ANKDD1A: variants seen among roughly 807,000 people sequenced by gnomAD.
ANKDD1A encodes the protein ankyrin repeat and death domain containing 1A, also known as ankyrin repeat and death domain-containing protein 1A.
ANKDD1A carries 59 observed loss-of-function variants against 63.5 expected under a neutral mutation model. The observed-to-expected ratio is 0.93, with a 90% CI of 0.75 to 1.15. ANKDD1A has a LOEUF of 1.15. Ranked by LOEUF, ANKDD1A falls within the 50% of genes most tolerant of loss-of-function variation. The pLI is 0.00. For missense variants in ANKDD1A, 632 were observed against 656.4 expected (o/e 0.96, Z 0.41); for synonymous variants, 266 against 263.9 (o/e 1.01, Z -0.08).
At chr15:64,940,760 A>G (rs1256240478) in intron 9 of ANKDD1A, among the ~76,000 whole-genome samples, 1 of 151,176 alleles carries the variant, frequency 6.6e-6, no homozygotes, top group Admixed American at 6.6e-5. Context: ...TTTTTTAGAG[A>G]CAAGGTCTCA....
intron 1 of ANKDD1A, among the ~76,000 whole-genome samples, chr15:64,913,729 C>T (rs1056459563): frequency 6.6e-6 from 1 of 152,186 alleles, no homozygotes; most frequent in African/African-American, 2.4e-5. Flanking sequence ...AGGCCTGTCT[C>T]TCACCTCAGT....
chr15:64,932,425 T>G (rs944623997), intron 8 of ANKDD1A: 1 of 152,182 alleles, frequency 6.6e-6, no homozygotes, highest in Admixed American at 6.6e-5. Flanking sequence ...GAGCTGGGGC[T>G]TGAGGTGTGA....
chr15:64,934,666 A>AT lies in ANKDD1A; in HGVS notation c.867+450dup, dbSNP rs557531003. Among the ~76,000 whole-genome samples the AT allele has an allele frequency of 7.6e-3, 910 of 119,870 alleles. 26 individuals carry two copies. Among genetic ancestry groups the AT allele is most frequent in the East Asian group, 0.072 (298 of 4,150 alleles). 78.6% of individuals were successfully genotyped at this position (119,870 alleles called of 152,430 possible). A position where few individuals can be genotyped will look rare whatever the true frequency, so the allele number is the denominator to read the frequency against. On this transcript the variant is annotated intron_variant, in intron 9 of 14. Coordinates refer to ENST00000319580, the MANE Select transcript of ANKDD1A (RefSeq NM_182703.6). The stretch of plus-strand genomic sequence containing the variant: ...AGGCACACACCACCATGCCCAGCTA[A>AT]TTTTTTTTTTTTTTTTTTGTATTTT...
chr15:64,952,681 T>C (rs1223968028), intron 14 of ANKDD1A, among the ~76,000 whole-genome samples: 1 of 146,070 alleles, frequency 6.8e-6, no homozygotes, highest in Admixed American at 6.9e-5. Flanking sequence ...CTTCTTCTTC[T>C]TCCTCTCCTT....
At chr15:64,948,919 G>A (rs1025069594) in intron 13 of ANKDD1A, among the ~76,000 whole-genome samples, 3 of 152,220 alleles carry the variant, frequency 2.0e-5, no homozygotes, top group African/African-American at 7.2e-5. Flanking sequence ...AGTAAACGCT[G>A]CTACGGATAA....
intron 9 of ANKDD1A, among the ~76,000 whole-genome samples, chr15:64,935,983 G>A (rs2085128876): frequency 6.6e-6 from 1 of 152,118 alleles, no homozygotes; most frequent in Non-Finnish European, 1.5e-5. Flanking sequence ...TTGTATGCTG[G>A]TACTACAAAC....
At chr15:64,932,684 C>T (rs2085100893) in intron 8 of ANKDD1A, 2 of 151,832 alleles carry the variant, frequency 1.3e-5, no homozygotes, top group Non-Finnish European at 2.9e-5. Context: ...ATAAATAATA[C>T]AATATAAATA....
chr15:64,957,431 T>C lies in ANKDD1A; in HGVS notation c.*243T>C, dbSNP rs1452399097. ...AGTAAAGATTATTTTACCTTGAAAT[T>C]ACAAAAATTATTTTCAGTTTTCCAA... On this transcript the variant is annotated 3_prime_UTR_variant, in exon 15 of 15. Transcript: ENST00000319580. The C allele has an allele frequency of 6.3e-6, 1 of 159,744 alleles. No individual in the cohort carries two copies. The highest frequency in any genetic ancestry group is 6.5e-5 in the Admixed American group (1 of 15,454). 9.9% of individuals were successfully genotyped at this position (159,744 alleles called of 1,614,324 possible).
intron 11 of ANKDD1A, 122 bp from the exon 12 acceptor site, chr15:64,944,530 C>A: frequency 1.2e-6 from 1 of 812,816 alleles, no homozygotes; most frequent in Non-Finnish European, 1.9e-6. Context: ...AACCTTTCTG[C>A]TCTCAGCGTA....
At chr15:64,944,356 T>A (rs2085207463) in intron 11 of ANKDD1A, among the ~76,000 whole-genome samples, 1 of 152,210 alleles carries the variant, frequency 6.6e-6, no homozygotes, top group African/African-American at 2.4e-5. Flanking sequence ...GGAACCCCTA[T>A]TTCACAGGAG....
At chr15:64,913,541 C>T (rs545988578) in intron 1 of ANKDD1A, among the ~76,000 whole-genome samples, 2 of 152,216 alleles carry the variant, frequency 1.3e-5, no homozygotes, top group African/African-American at 4.8e-5. Context: ...GAGGAAACTG[C>T]CTAACACAGC....
intron 12 of ANKDD1A, among the ~76,000 whole-genome samples, chr15:64,947,147 A>G (rs745541106): frequency 6.6e-6 from 1 of 152,148 alleles, no homozygotes; most frequent in African/African-American, 2.4e-5. Context: ...GACTATGACA[A>G]TGAGGTTGAG....
At chr15:64,952,818 TTCC>T (rs1259627366) in intron 14 of ANKDD1A, among the ~76,000 whole-genome samples, 12 of 143,802 alleles carry the variant, frequency 8.3e-5, no homozygotes, top group South Asian at 4.7e-4. Context: ...CTCCTCCTTC[TTCC>T]TCCTCCTTCT....
chr15:64,920,808 C>T (rs1008642874), intron 3 of ANKDD1A, among the ~76,000 whole-genome samples: 7 of 150,940 alleles, frequency 4.6e-5, no homozygotes, highest in Non-Finnish European at 8.9e-5. Context: ...TTGGTCCCTC[C>T]CAAAGTGTTG....
At position 64,942,491 on chromosome 15, in the gene ANKDD1A, G is replaced by A. The variant is rs549441477; in HGVS notation, c.892G>A (p.Ala298Thr). ...DHQGASPLHLAVRHNFPALVR... is the reference protein window; with the variant it reads ...DHQGASPLHLTVRHNFPALVR... ...GCAGGGTGCCTCTCCTCTGCACCTC[G>A]CTGTGAGGCACAACTTCCCTGCCTT... The change falls in exon 10 of 15, where the codon GCT becomes ACT. Residue 298 changes from alanine (A) to threonine (T), a missense_variant. Physicochemically the swap from Ala to Thr is moderately conservative, Grantham distance 58. Transcript: ENST00000319580. The A allele has an allele frequency of 4.3e-6, 7 of 1,613,426 alleles. No homozygotes were observed. Among genetic ancestry groups the A allele is most frequent in the Middle Eastern group, 1.7e-4 (1 of 6,056 alleles).
chr15:64,950,042 C>A lies in ANKDD1A; in HGVS notation c.1483+70C>A. ...CCCCACTGGAATGCAGCAGGGCCCT[C>A]CAAGGGCTGCTCAGACAAGAATGCT... On this transcript the variant is annotated intron_variant, in intron 14 of 14. Coordinates refer to ENST00000319580, the MANE Select transcript of ANKDD1A (RefSeq NM_182703.6). 7.0e-6 allele frequency: 11 copies of A among 1,577,982 alleles called. No homozygotes were observed. The South Asian group carries it at 1.2e-4, about 18-fold the overall frequency.
At position 64,957,526 on chromosome 15, in the gene ANKDD1A, A is replaced by T. The variant is rs1224758125; in HGVS notation, c.*338A>T. The T allele has an allele frequency of 6.4e-6, 1 of 155,044 alleles. No individual in the cohort carries two copies. The highest frequency in any genetic ancestry group is 1.4e-5 in the Non-Finnish European group (1 of 69,762). The allele number at this position is 155,044 out of a possible 1,614,324, so 9.6% of individuals were successfully genotyped here. On this transcript the variant is annotated 3_prime_UTR_variant, in exon 15 of 15. Transcript: ENST00000319580. ...AATGTTTATTGAGAGTCTCATATTC[A>T]TGCTTTTCTTCACAGCACTATAAAG...
At chr15:64,927,602 CTTT>C (rs5813333) in intron 6 of ANKDD1A, among the ~76,000 whole-genome samples, 1 of 130,616 alleles carries the variant, frequency 7.7e-6, no homozygotes, top group Non-Finnish European at 1.6e-5. Flanking sequence ...AGCAAATTCC[CTTT>C]TTTTTTTTTT....
At chr15:64,916,114 C>A (rs2084966705) in intron 2 of ANKDD1A, among the ~76,000 whole-genome samples, 1 of 152,144 alleles carries the variant, frequency 6.6e-6, no homozygotes. Context: ...ACCAGGATGT[C>A]AAGCCAGGCT....
Sources: allele counts gnomAD v4.1 joint callset (sites outside exome capture counted in the v4.1 genomes callset), GRCh38; gene constraint gnomAD v4.1.1; transcripts MANE v1.5; gene names NCBI Gene and HGNC (gene_info 2026-07-23, HGNC 2026-07-21).